BDH1: variants seen among roughly 807,000 people sequenced by gnomAD.
BDH1 encodes 3-hydroxybutyrate dehydrogenase 1, also known as D-beta-hydroxybutyrate dehydrogenase, mitochondrial.
BDH1 carries 30 observed loss-of-function variants against 33.1 expected under a neutral mutation model. The ratio of observed to expected loss-of-function variants is 0.91; its 90% CI spans 0.68 to 1.23. The LOEUF is 1.23. Ranked by LOEUF, BDH1 falls within the 50% of genes most tolerant of loss-of-function variation. The probability of loss-of-function intolerance (pLI) is 0.00; values close to 1 mark genes in which losing one functional copy is unlikely to be tolerated. For synonymous variants in BDH1, 190 were observed against 183.6 expected, an observed-to-expected ratio of 1.03 and a Z score of -0.28; for missense variants, 443 against 464.4, an observed-to-expected ratio of 0.95 and a Z score of 0.42.
At chr3:197,533,604 C>T (rs1560323030) in intron 3 of BDH1, 43 bp from the exon 4 acceptor site, 1 of 1,594,454 alleles carries the variant, frequency 6.3e-7, no homozygotes, top group East Asian at 2.2e-5. Context: ...ACAGACTAGA[C>T]AGACCCTCAG....
chr3:197,517,502 T>C (rs1243086956), intron 6 of BDH1, among the ~76,000 whole-genome samples: 4 of 27,982 alleles, frequency 1.4e-4, no homozygotes, highest in Non-Finnish European at 2.0e-4. Context: ...TCAATCCCCC[T>C]TCAGGCCGAC....
chr3:197,536,479 A>G (rs765650913), intron 3 of BDH1, among the ~76,000 whole-genome samples: 2 of 152,202 alleles, frequency 1.3e-5, no homozygotes, highest in Non-Finnish European at 2.9e-5. Flanking sequence ...TCCTGAGTAC[A>G]GTATGGGGTT....
rs114793646 is a variant in BDH1 at position 197,566,586 on chromosome 3, G to T, written c.-44+6595C>A. 1.3e-3 allele frequency among the ~76,000 whole-genome samples: 203 copies of T among 152,226 alleles called. 1 individual carries two copies. The highest frequency in any genetic ancestry group is 4.5e-3 in the African/African-American group (187 of 41,554). On this transcript the variant is annotated intron_variant, in intron 1 of 6. Coordinates refer to the BDH1 transcript ENST00000358186. ...CCTATGTAAAAAAATAATTACTCTGGCTGCATTGTATACAAATAATTAGGC... is the reference window on the plus strand; with the variant it reads ...CCTATGTAAAAAAATAATTACTCTGTCTGCATTGTATACAAATAATTAGGC...
chr3:197,519,280 A>C (rs1713259249), intron 6 of BDH1, among the ~76,000 whole-genome samples: 1 of 152,016 alleles, frequency 6.6e-6, no homozygotes, highest in Admixed American at 6.5e-5. Flanking sequence ...TGAGTGCTGG[A>C]CGGCTCAGAG....
At chr3:197,531,425 ATATATATATATGTG>A (rs1560320046) in intron 5 of BDH1, among the ~76,000 whole-genome samples, 1 of 147,166 alleles carries the variant, frequency 6.8e-6, no homozygotes, top group Non-Finnish European at 1.5e-5. Flanking sequence ...AAAAATATAT[ATATATATATATGTG>A]TATATATATA....
intron 2 of BDH1, among the ~76,000 whole-genome samples, chr3:197,548,859 AAAT>A (rs773122577): frequency 0.06 from 9,141 of 151,754 alleles, 379 homozygotes; most frequent in Middle Eastern, 0.085. Context: ...TCAAAAACAA[AAAT>A]AACAAAAAAA....
At chr3:197,572,651 C>A (rs1560350990) in intron 1 of BDH1, among the ~76,000 whole-genome samples, 1 of 152,146 alleles carries the variant, frequency 6.6e-6, no homozygotes, top group African/African-American at 2.4e-5. Context: ...ACAGGAGGAT[C>A]CCTTGAGCCC....
At chr3:197,555,699 A>T (rs1447148094) in intron 1 of BDH1, 82 bp downstream of exon 1, 1 of 152,244 alleles carries the variant, frequency 6.6e-6, no homozygotes, top group Non-Finnish European at 1.5e-5. Flanking sequence ...GAGCTAAAGG[A>T]ACACGTGAGG....
rs928975303 is a variant in BDH1, at chr3:197,512,209, T to G, written c.718A>C (p.Asn240His). The G allele has an allele frequency of 1.2e-6, 2 of 1,613,868 alleles. No homozygotes were observed. The highest frequency in any genetic ancestry group is 1.7e-6 in the Non-Finnish European group (2 of 1,180,026). ...GVKVSVVEPG[N>H]FIAATSLYSP... ...TAAAGGCTGGTGGCAGCGATGAAGTTGCCGGGCTCCACCACGCTGACCTTC... is the reference window on the plus strand; with the variant it reads ...TAAAGGCTGGTGGCAGCGATGAAGTGGCCGGGCTCCACCACGCTGACCTTC... Residue 240 changes from asparagine (N) to histidine (H), a missense_variant, in exon 8 of 8, where the codon AAC becomes CAC. Transcript: ENST00000392379.
intron 3 of BDH1, among the ~76,000 whole-genome samples, chr3:197,537,475 C>G (rs1447750263): frequency 6.6e-6 from 1 of 152,128 alleles, no homozygotes; most frequent in Non-Finnish European, 1.5e-5. Flanking sequence ...AATATGGGGT[C>G]TTATTCCTTC....
intron 4 of BDH1, among the ~76,000 whole-genome samples, chr3:197,533,082 G>T (rs1010792814): frequency 6.6e-6 from 1 of 152,164 alleles, no homozygotes; most frequent in Non-Finnish European, 1.5e-5. Context: ...TCTCCATGTT[G>T]GCCAGGCTGG....
intron 3 of BDH1, among the ~76,000 whole-genome samples, chr3:197,539,151 G>A (rs1173056612): frequency 6.6e-6 from 1 of 152,050 alleles, no homozygotes; most frequent in South Asian, 2.1e-4. Flanking sequence ...TATTTGAGAT[G>A]AGTTATATTT....
intron 6 of BDH1, among the ~76,000 whole-genome samples, chr3:197,517,490 T>A: frequency 1.9e-5 from 1 of 51,646 alleles, no homozygotes; most frequent in Non-Finnish European, 3.7e-5. Flanking sequence ...TGCTCTATGG[T>A]CTCAATCCCC....
intron 1 of BDH1, among the ~76,000 whole-genome samples, chr3:197,563,387 T>G (rs1226373003): frequency 2.0e-5 from 3 of 152,148 alleles, no homozygotes; most frequent in Non-Finnish European, 4.4e-5. Flanking sequence ...TTAGGATCCT[T>G]AAACAACAAT....
In BDH1 at chr3:197,539,210, G is replaced by A. The variant is rs377328698; in HGVS notation, c.84-5649C>T. 3.3e-4 allele frequency among the ~76,000 whole-genome samples: 50 copies of A among 152,248 alleles called. No homozygotes were observed. In the East Asian group the frequency reaches 5.6e-3, roughly 17 times the overall value. ...GTCACCCAGGCTAGAGTGCAGTGGCGCGATCTTGGCTCGCTGCAACCTGGG... is the reference window on the plus strand; with the variant it reads ...GTCACCCAGGCTAGAGTGCAGTGGCACGATCTTGGCTCGCTGCAACCTGGG... On this transcript the variant is annotated intron_variant, in intron 3 of 7. Transcript: ENST00000392379.
At chr3:197,529,708 C>T (rs1714464427) in intron 5 of BDH1, 1 of 152,212 alleles carries the variant, frequency 6.6e-6, no homozygotes, top group African/African-American at 2.4e-5. Context: ...AAAACCTTCT[C>T]TGATCCAGAT....
rs1711855076 is a variant in BDH1, at chr3:197,510,634, GT to G, written c.*1260del. ...TGTGTGTGTGTGTGTGTGTGTGTGT[GT>G]GTGTGTGTGTGTGTGTGTGTGTGTG... On this transcript the variant is annotated 3_prime_UTR_variant, in exon 8 of 8. Coordinates refer to ENST00000392379, the MANE Select transcript of BDH1 (RefSeq NM_203314.3). The G allele has an allele frequency of 2.8e-5, 1 of 35,982 alleles. No homozygotes were observed. The highest frequency in any genetic ancestry group is 2.1e-4 in the African/African-American group (1 of 4,830). 2.2% of individuals were successfully genotyped at this position (35,982 alleles called of 1,614,324 possible). A position where few individuals can be genotyped will look rare whatever the true frequency, so the allele number is the denominator to read the frequency against.
Position 197,520,763 on chromosome 3 carries a change from C to T in BDH1, c.409+1877G>A, listed in dbSNP as rs1163284944. Among the ~76,000 whole-genome samples, 1 of 152,134 alleles carries T rather than the reference C, an allele frequency of 6.6e-6. No homozygotes were observed. Among genetic ancestry groups the T allele is most frequent in the African/African-American group, 2.4e-5 (1 of 41,408 alleles). ...GAAGGTGGGAGGGAGGAGAATTTAC[C>T]GCCAGGGAAGGGCGAAGCAGGCTGC... On this transcript the variant is annotated intron_variant, in intron 6 of 7. Transcript: ENST00000392379. The surrounding 1 kb of genome is among the most constrained non-coding windows in gnomAD (Gnocchi z 6.0).
chr3:197,571,097 G>A (rs1717591497), intron 1 of BDH1, among the ~76,000 whole-genome samples: 1 of 152,210 alleles, frequency 6.6e-6, no homozygotes, highest in South Asian at 2.1e-4. Flanking sequence ...AGATTTGGCT[G>A]CCCTGCTGGA....
Sources: allele counts gnomAD v4.1 joint callset (sites outside exome capture counted in the v4.1 genomes callset), GRCh38; gene constraint gnomAD v4.1.1; non-coding constraint Gnocchi (gnomAD v3.1); transcripts MANE v1.5; gene names NCBI Gene and HGNC (gene_info 2026-07-23, HGNC 2026-07-21).